AAK1: variants seen among roughly 807,000 people sequenced by gnomAD.
AAK1 encodes AP2 associated kinase 1.
In AAK1, 37 loss-of-function variants were observed where a neutral mutation model predicts 116.0. The observed-to-expected ratio is 0.32, with a 90% CI of 0.25 to 0.42. The LOEUF (loss-of-function observed/expected upper bound fraction) is 0.42. AAK1 is among the 10% of genes least tolerant of loss of function. AAK1 has a pLI of 1.00. For missense variants in AAK1, 919 were observed against 1,170.6 expected (o/e 0.79, Z 3.14); for synonymous variants, 458 against 439.9 (o/e 1.04, Z -0.51).
Position 69,470,343 on chromosome 2 carries a change from A to G in AAK1, c.*5526T>C. ...AATGCAGCAGCAATTGAAACGTAAA[A>G]TTTTAGAACCAAACTGGGGAAATCA... On this transcript the variant is annotated 3_prime_UTR_variant, in exon 22 of 22. Transcript: ENST00000409085. 1.0e-6 allele frequency: 1 copy of G among 985,454 alleles called. No homozygotes were observed. 61.0% of individuals were successfully genotyped at this position (985,454 alleles called of 1,614,324 possible).
intron 2 of AAK1, among the ~76,000 whole-genome samples, chr2:69,572,384 G>A (rs537626743): frequency 3.9e-5 from 6 of 152,004 alleles, no homozygotes; most frequent in African/African-American, 9.6e-5. Context: ...AATCCCAGCC[G>A]AGGTGGGCAG....
chr2:69,495,667 A>G (rs1675709179), intron 17 of AAK1, among the ~76,000 whole-genome samples: 1 of 152,204 alleles, frequency 6.6e-6, no homozygotes, highest in Non-Finnish European at 1.5e-5. Flanking sequence ...TGTTAAAATC[A>G]TATTGGACTA....
intron 3 of AAK1, among the ~76,000 whole-genome samples, chr2:69,551,404 G>GA (rs1257195948): frequency 6.6e-6 from 1 of 152,026 alleles, no homozygotes. Flanking sequence ...AAAAGTTGAA[G>GA]AAAAAAATAA....
rs923407606 is a variant in AAK1, at chr2:69,606,285, T to A, written c.163+36593A>T. On this transcript the variant is annotated intron_variant, in intron 2 of 21. Transcript: ENST00000409085. The stretch of plus-strand genomic sequence containing the variant: ...TCTTCCCCACTTGACCACGATCCAA[T>A]TGAACACAAGGATGTGTATTATTCA... Among the ~76,000 whole-genome samples, 3 of 152,320 alleles carry A rather than the reference T, an allele frequency of 2.0e-5. No individual in the cohort carries two copies. In the East Asian group the frequency reaches 5.8e-4, roughly 29 times the overall value.
chr2:69,623,061 C>T (rs909032865), intron 2 of AAK1, among the ~76,000 whole-genome samples: 14 of 152,202 alleles, frequency 9.2e-5, no homozygotes, highest in East Asian at 7.7e-4. Context: ...TTTGTTCTTT[C>T]GCTCTTTGCA....
intron 17 of AAK1, 25 bp from the exon 18 acceptor site, chr2:69,482,837 G>T (rs765388503): frequency 6.7e-7 from 1 of 1,483,514 alleles, no homozygotes; most frequent in South Asian, 1.1e-5. Flanking sequence ...GAGACAAAAA[G>T]AAAGCAAAAA....
At chr2:69,615,031 T>C (rs1249130426) in intron 2 of AAK1, among the ~76,000 whole-genome samples, 1 of 152,210 alleles carries the variant, frequency 6.6e-6, no homozygotes, top group East Asian at 1.9e-4. Context: ...CCACCCAGTT[T>C]GTGGTCATTT....
rs574142554 is a variant in AAK1 at position 69,538,383 on chromosome 2, G to A, written c.534+4140C>T. Among the ~76,000 whole-genome samples, 315 of 152,314 alleles carry A rather than the reference G, an allele frequency of 2.1e-3. 2 individuals carry two copies. The highest frequency in any genetic ancestry group is 3.9e-3 in the Non-Finnish European group (263 of 68,024). ...GGCCCGCTGCCTTAGCCCTCCCACC[G>A]ACCTACTCAGCATCCCAGGCAAGAC... On this transcript the variant is annotated intron_variant, in intron 5 of 21. Transcript: ENST00000409085.
intron 2 of AAK1, among the ~76,000 whole-genome samples, chr2:69,617,712 AGT>A (rs1349747436): frequency 6.6e-6 from 1 of 152,260 alleles, no homozygotes; most frequent in African/African-American, 2.4e-5. Flanking sequence ...ATGTAAAAGA[AGT>A]GAACAGACAT....
chr2:69,461,611 TGA>T lies in AAK1; in HGVS notation c.*14256_*14257del. 9.4e-6 allele frequency: 4 copies of T among 425,754 alleles called. No individual in the cohort carries two copies. Among genetic ancestry groups the T allele is most frequent in the South Asian group, 3.4e-5 (2 of 59,378 alleles). 26.4% of individuals were successfully genotyped at this position (425,754 alleles called of 1,614,324 possible). ...CCAGTGACAATTTTTTTTTTTTTTTTGAGGCGGAGTTTTGCTCTTCTCGCCCA... is the reference window on the plus strand; with the variant it reads ...CCAGTGACAATTTTTTTTTTTTTTTTGGCGGAGTTTTGCTCTTCTCGCCCA... On this transcript the variant is annotated 3_prime_UTR_variant, in exon 22 of 22. Transcript: ENST00000409085.
rs1254220224 is a variant in AAK1, at chr2:69,470,821, C to T, written c.*5048G>A. On this transcript the variant is annotated 3_prime_UTR_variant, in exon 22 of 22. Transcript: ENST00000409085. ...TCTTGTGCCCAGGTACTTATTGTCA[C>T]TCAATACTGTGATTAAATCCTTTCT... 1.5e-5 allele frequency: 15 copies of T among 985,712 alleles called. No individual in the cohort carries two copies. The highest frequency in any genetic ancestry group is 3.6e-6 in the Non-Finnish European group (3 of 829,940). The allele number at this position is 985,712 out of a possible 1,614,324, so 61.1% of individuals were successfully genotyped here.
chr2:69,551,980 A>G (rs914426497), intron 3 of AAK1, among the ~76,000 whole-genome samples: 32 of 152,220 alleles, frequency 2.1e-4, no homozygotes, highest in African/African-American at 7.2e-4. Flanking sequence ...GAGTATGAAC[A>G]CCCAAACCTC....
intron 2 of AAK1, among the ~76,000 whole-genome samples, chr2:69,639,318 C>T (rs1028237308): frequency 3.3e-5 from 5 of 152,110 alleles, no homozygotes; most frequent in Non-Finnish European, 7.4e-5. Context: ...TCCAATTTTC[C>T]CATTGAGCTC....
At position 69,505,523 on chromosome 2, in the gene AAK1, A is replaced by C. The variant is rs1304829840; in HGVS notation, c.2269+46T>G. 3 of 1,503,720 alleles carry C rather than the reference A, an allele frequency of 2.0e-6. No homozygotes were observed. In the African/African-American group the frequency reaches 4.1e-5, roughly 21 times the overall value. The allele number at this position is 1,503,720 out of a possible 1,614,324, so 93.1% of individuals were successfully genotyped here. On this transcript the variant is annotated intron_variant, in intron 16 of 21. Coordinates refer to ENST00000409085, the MANE Select transcript of AAK1 (RefSeq NM_014911.5). ...ATCTGTGGAGTAAAAAACAGTGTGA[A>C]GGTAACAACAGTGAACCTCCCGTTC... is the stretch of plus-strand genomic sequence containing the variant.
At chr2:69,624,321 G>A (rs760455178) in intron 2 of AAK1, among the ~76,000 whole-genome samples, 4 of 152,138 alleles carry the variant, frequency 2.6e-5, no homozygotes, top group Non-Finnish European at 5.9e-5. Context: ...TAACATAAAT[G>A]TCTAAAAATA....
intron 2 of AAK1, among the ~76,000 whole-genome samples, chr2:69,629,981 C>T (rs1211903588): frequency 6.6e-6 from 1 of 151,946 alleles, no homozygotes; most frequent in Non-Finnish European, 1.5e-5. Flanking sequence ...CTAAGGTAGG[C>T]GGGTGGGGAA....
At position 69,471,126 on chromosome 2, in the gene AAK1, G is replaced by A. The variant is rs1674663260; in HGVS notation, c.*4743C>T. Reference sequence around the variant, plus strand: ...GATAAACACACATCCACATGACAAAGGAGAGTGCAATAGGGCAGAGTAGAA... The same window carrying A: ...GATAAACACACATCCACATGACAAAAGAGAGTGCAATAGGGCAGAGTAGAA... On this transcript the variant is annotated 3_prime_UTR_variant, in exon 22 of 22. Coordinates refer to ENST00000409085, the MANE Select transcript of AAK1 (RefSeq NM_014911.5). The A allele has an allele frequency of 1.0e-5, 10 of 985,638 alleles. No individual in the cohort carries two copies. Among genetic ancestry groups the A allele is most frequent in the Non-Finnish European group, 1.2e-5 (10 of 829,938 alleles). The allele number at this position is 985,638 out of a possible 1,614,324, so 61.1% of individuals were successfully genotyped here.
chr2:69,593,468 C>T (rs1673123802), intron 2 of AAK1, among the ~76,000 whole-genome samples: 1 of 151,608 alleles, frequency 6.6e-6, no homozygotes, highest in African/African-American at 2.4e-5. Context: ...TTCATGTTCT[C>T]ACACATAAAT....
rs1369942462 is a variant in AAK1 at position 69,507,319 on chromosome 2, A to G, written c.2164+102T>C. The G allele has an allele frequency of 2.9e-6, 4 of 1,392,702 alleles. No homozygotes were observed. The South Asian group carries it at 5.8e-5, about 20-fold the overall frequency. 86.3% of individuals were successfully genotyped at this position (1,392,702 alleles called of 1,614,324 possible). On this transcript the variant is annotated intron_variant, in intron 15 of 21. Transcript: ENST00000409085. ...CAAAGGCCCAAGCCTACGTTTCCAC[A>G]TGCATACCCTTCTAGAGTTACGATT...
Sources: allele counts gnomAD v4.1 joint callset (sites outside exome capture counted in the v4.1 genomes callset), GRCh38; gene constraint gnomAD v4.1.1; transcripts MANE v1.5; gene names NCBI Gene and HGNC (gene_info 2026-07-23, HGNC 2026-07-21).